NBAS: variants seen among roughly 807,000 people sequenced by gnomAD.
NBAS encodes the protein NBAS subunit of NRZ tethering complex, also known as NAG/BC035112 fusion.
A neutral mutation model predicts 302.5 loss-of-function variants in NBAS; 219 were observed. The observed-to-expected ratio is 0.72, with a 90% CI of 0.65 to 0.81. NBAS has a LOEUF of 0.81. Ranked by LOEUF, NBAS falls within the 30% of genes least tolerant of loss-of-function variation. The pLI is 0.00. For missense variants in NBAS, 2,932 were observed against 2,841.6 expected, an observed-to-expected ratio of 1.03 and a Z score of -0.72; for synonymous variants, 1,118 against 1,021.6, an observed-to-expected ratio of 1.09 and a Z score of -1.80.
chr2:15,450,948 G>A (rs1427926254), intron 21 of NBAS, among the ~76,000 whole-genome samples: 2 of 152,008 alleles, frequency 1.3e-5, no homozygotes, highest in Non-Finnish European at 2.9e-5. Flanking sequence ...ACAACCTTCT[G>A]GAATATCCAT....
chr2:15,120,059 C>T, the NBAS span, among the ~76,000 whole-genome samples: 8 of 152,224 alleles, frequency 5.3e-5, no homozygotes, highest in Non-Finnish European at 1.0e-4. Flanking sequence ...CAAAAATATT[C>T]CAAACCAAAT....
At chr2:15,352,153 G>T in intron 34 of NBAS, 72 bp from the exon 35 acceptor site, 1 of 1,060,246 alleles carries the variant, frequency 9.4e-7, no homozygotes, top group Non-Finnish European at 1.4e-6. Flanking sequence ...ATATAGGCTT[G>T]AAATTTAAAA....
chr2:15,004,495 G>A, the NBAS span, among the ~76,000 whole-genome samples: 1 of 152,058 alleles, frequency 6.6e-6, no homozygotes, highest in Non-Finnish European at 1.5e-5. Context: ...AACGGTGAGT[G>A]AGGAAAGAGT....
chr2:15,033,733 T>C, the NBAS span, among the ~76,000 whole-genome samples: 23 of 151,954 alleles, frequency 1.5e-4, no homozygotes, highest in African/African-American at 5.3e-4. Flanking sequence ...GGTGGGAAGA[T>C]TGCTTGAGCC....
At chr2:14,912,701 TTTAAAA>T in the NBAS span, among the ~76,000 whole-genome samples, 44 of 73,666 alleles carry the variant, frequency 6.0e-4, 2 homozygotes, top group East Asian at 5.9e-3. Context: ...TGCATTCATT[TTTAAAA>T]AAAAAAAAAA....
the NBAS span, among the ~76,000 whole-genome samples, chr2:14,792,531 G>C: frequency 6.6e-6 from 1 of 151,870 alleles, no homozygotes; most frequent in Non-Finnish European, 1.5e-5. Flanking sequence ...CAATATTTGA[G>C]GTATGACTGC....
the NBAS span, among the ~76,000 whole-genome samples, chr2:14,815,904 C>A: frequency 6.6e-6 from 1 of 152,274 alleles, no homozygotes; most frequent in Admixed American, 6.5e-5. Context: ...TGTCACACAC[C>A]ATCATACTCC....
chr2:14,960,774 T>A, the NBAS span, among the ~76,000 whole-genome samples: 1 of 152,230 alleles, frequency 6.6e-6, no homozygotes, highest in Non-Finnish European at 1.5e-5. Flanking sequence ...ATGACCACTT[T>A]GTGCCAAATG....
At chr2:15,004,004 G>A in the NBAS span, among the ~76,000 whole-genome samples, 11 of 152,234 alleles carry the variant, frequency 7.2e-5, no homozygotes, top group African/African-American at 9.6e-5. Context: ...TTTAAATGCC[G>A]TAAAAAAATT....
At chr2:15,199,126 CAAAA>C (rs71400641) in intron 48 of NBAS, among the ~76,000 whole-genome samples, 1 of 75,278 alleles carries the variant, frequency 1.3e-5, no homozygotes, top group Non-Finnish European at 2.6e-5. Flanking sequence ...GACTCCATCT[CAAAA>C]AAAAAAAAAA....
At chr2:15,254,012 GA>G (rs2147994750) in intron 44 of NBAS, among the ~76,000 whole-genome samples, 1 of 152,248 alleles carries the variant, frequency 6.6e-6, no homozygotes, top group East Asian at 1.9e-4. Context: ...AGAGGAACGT[GA>G]ATTCTCCTAA....
intron 40 of NBAS, among the ~76,000 whole-genome samples, chr2:15,297,377 C>A (rs1017874729): frequency 1.3e-5 from 2 of 152,114 alleles, no homozygotes; most frequent in Non-Finnish European, 2.9e-5. Context: ...GCTTTGTGTC[C>A]CCACCCAAAT....
downstream of NBAS, among the ~76,000 whole-genome samples, chr2:15,165,898 C>A (rs1177441246): frequency 6.6e-6 from 1 of 152,238 alleles, no homozygotes; most frequent in Non-Finnish European, 1.5e-5. Context: ...TACACAGCCA[C>A]TCTCCCTCCA....
chr2:14,941,526 T>A, the NBAS span, among the ~76,000 whole-genome samples: 3 of 152,212 alleles, frequency 2.0e-5, no homozygotes, highest in Non-Finnish European at 4.4e-5. Context: ...TTCTTGCAGA[T>A]GCACTTTTCA....
At chr2:14,927,425 A>G in the NBAS span, among the ~76,000 whole-genome samples, 1 of 152,194 alleles carries the variant, frequency 6.6e-6, no homozygotes, top group Non-Finnish European at 1.5e-5. Context: ...ACAACGTTTC[A>G]TGGTATGTAT....
At chr2:14,811,567 G>C in the NBAS span, among the ~76,000 whole-genome samples, 3 of 152,160 alleles carry the variant, frequency 2.0e-5, no homozygotes, top group African/African-American at 7.2e-5. Flanking sequence ...GCATTTAGGA[G>C]GTAGAGGTCA....
In NBAS at chr2:15,428,791, C is replaced by A. The variant is rs186269687; in HGVS notation, c.2340-997G>T. The stretch of plus-strand genomic sequence containing the variant: ...AGGCGCGGTGGCTCACGCCTGTAAT[C>A]CCAGCACTTTGGGAGGCTGAGGTGG... On this transcript the variant is annotated intron_variant, in intron 21 of 51. Coordinates refer to ENST00000281513, the MANE Select transcript of NBAS (RefSeq NM_015909.4). Among the ~76,000 whole-genome samples the A allele has an allele frequency of 5.1e-3, 774 of 152,180 alleles. 3 individuals carry two copies. Among genetic ancestry groups the A allele is most frequent in the African/African-American group, 0.017 (688 of 41,504 alleles).
At chr2:15,439,362 G>C (rs1278886574) in intron 21 of NBAS, among the ~76,000 whole-genome samples, 1 of 148,008 alleles carries the variant, frequency 6.8e-6, no homozygotes, top group African/African-American at 2.5e-5. Flanking sequence ...ATTAGCCTTA[G>C]ACAAAAGGCT....
chr2:14,952,568 G>A, the NBAS span, among the ~76,000 whole-genome samples: 4 of 152,196 alleles, frequency 2.6e-5, no homozygotes, highest in South Asian at 2.1e-4. Flanking sequence ...TGCTCCTGAC[G>A]CCCAGAGGAG....
Sources: gnomAD v4.1 joint callset for allele counts (sites outside exome capture counted in the v4.1 genomes callset) on GRCh38, gnomAD v4.1.1 for gene constraint, MANE v1.5 for transcripts, NCBI Gene and HGNC (gene_info 2026-07-23, HGNC 2026-07-21) for gene names.